PDILT: variants seen among roughly 807,000 people sequenced by gnomAD.
PDILT encodes protein disulfide-isomerase-like protein of the testis.
PDILT carries 43 observed loss-of-function variants against 53.7 expected under a neutral mutation model. That is an observed-to-expected ratio of 0.80 (90% CI 0.63 to 1.03). PDILT has a LOEUF of 1.03. Ranked by LOEUF, PDILT falls within the 50% of genes least tolerant of loss-of-function variation. The pLI is 0.00. For synonymous variants in PDILT, 282 were observed against 274.2 expected, an observed-to-expected ratio of 1.03 and a Z score of -0.28; for missense variants, 727 against 712.3, an observed-to-expected ratio of 1.02 and a Z score of -0.24.
At position 20,367,031 on chromosome 16, in the gene PDILT, CTTTCTTTCTT is replaced by C. The variant is rs1567320658; in HGVS notation, c.1117-1501_1117-1492del. On this transcript the variant is annotated intron_variant, in intron 8 of 11. Transcript: ENST00000302451. Reference sequence around the variant, plus strand: ...TTATTTCTCTCTCTCTTTCTTCTTTCTTTCTTTCTTTCTTTCTTTCTTTCTTTCTTTCTTT... The same window carrying C: ...TTATTTCTCTCTCTCTTTCTTCTTTCTCTTTCTTTCTTTCTTTCTTTCTTT... 2.1e-3 allele frequency among the ~76,000 whole-genome samples: 21 copies of C among 10,110 alleles called. 1 individual carries two copies. The highest frequency in any genetic ancestry group is 0.11 in the Middle Eastern group (2 of 18). 6.6% of individuals were successfully genotyped at this position (10,110 alleles called of 152,430 possible). A position where few individuals can be genotyped will look rare whatever the true frequency, so the allele number is the denominator to read the frequency against.
At chr16:20,395,635 T>A (rs1381527003) in intron 2 of PDILT, among the ~76,000 whole-genome samples, 1 of 152,220 alleles carries the variant, frequency 6.6e-6, no homozygotes, top group Non-Finnish European at 1.5e-5. Flanking sequence ...TCTTTAAATG[T>A]CATGTTGAAA....
chr16:20,363,470 TG>T (rs1966139965), intron 9 of PDILT, among the ~76,000 whole-genome samples: 1 of 25,950 alleles, frequency 3.9e-5, no homozygotes, highest in South Asian at 8.2e-4. Flanking sequence ...TTTTTGTGTA[TG>T]TGTATGTGTG....
chr16:20,394,110 G>A (rs1966635687), intron 2 of PDILT, among the ~76,000 whole-genome samples: 1 of 152,152 alleles, frequency 6.6e-6, no homozygotes, highest in South Asian at 2.1e-4. Context: ...CTGAAACCAG[G>A]CACTAGGGGG....
Position 20,367,095 on chromosome 16 carries a change from CTTTCTTT to C in PDILT, c.1117-1562_1117-1556del, listed in dbSNP as rs1567320991. On this transcript the variant is annotated intron_variant, in intron 8 of 11. Coordinates refer to ENST00000302451, the MANE Select transcript of PDILT (RefSeq NM_174924.2). ...TCTTTCTTTCTTTCTTTCTTTCTTT[CTTTCTTT>C]CTTCCTTTCTTTCCTTTTGAGACAG... is the stretch of plus-strand genomic sequence containing the variant. Among the ~76,000 whole-genome samples, 330 of 89,852 alleles carry C rather than the reference CTTTCTTT, an allele frequency of 3.7e-3. 6 individuals are homozygous for C. Among genetic ancestry groups the C allele is most frequent in the African/African-American group, 0.012 (252 of 21,278 alleles). The allele number at this position is 89,852 out of a possible 152,430, so 58.9% of individuals were successfully genotyped here.
At chr16:20,375,003 G>A in intron 4 of PDILT, 44 bp from the exon 5 acceptor site, 1 of 1,565,234 alleles carries the variant, frequency 6.4e-7, no homozygotes, top group East Asian at 2.3e-5. Context: ...TAGAAATCAA[G>A]GTGCCTGGTT....
At chr16:20,375,426 A>G (rs1222062574) in intron 4 of PDILT, among the ~76,000 whole-genome samples, 6 of 152,254 alleles carry the variant, frequency 3.9e-5, no homozygotes, top group African/African-American at 1.4e-4. Context: ...TGTGTTAAAT[A>G]TAATGCCCAA....
At chr16:20,383,493 C>T (rs1402834747) in intron 3 of PDILT, among the ~76,000 whole-genome samples, 2 of 147,044 alleles carry the variant, frequency 1.4e-5, no homozygotes, top group African/African-American at 5.0e-5. Context: ...CTCCCACAAG[C>T]CTGCTGGGAG....
At position 20,359,218 on chromosome 16, in the gene PDILT, T is replaced by C; in HGVS notation, c.*101A>G. On this transcript the variant is annotated 3_prime_UTR_variant, in exon 12 of 12. Transcript: ENST00000302451. ...TATCCACCCCTACCCCCGCCCCACC[T>C]ACCCTACCACAATGATATATGCTTT... 8.8e-7 allele frequency: 1 copy of C among 1,135,448 alleles called. No homozygotes were observed. Among genetic ancestry groups the C allele is most frequent in the Non-Finnish European group, 1.2e-6 (1 of 820,400 alleles). 70.3% of individuals were successfully genotyped at this position (1,135,448 alleles called of 1,614,324 possible).
chr16:20,381,655 A>T (rs1390963167), intron 3 of PDILT, among the ~76,000 whole-genome samples: 1 of 150,834 alleles, frequency 6.6e-6, no homozygotes, highest in South Asian at 2.1e-4. Flanking sequence ...AAAAAAAAAA[A>T]GAGAAATTGG....
At chr16:20,373,758 C>A (rs1596585230) in intron 5 of PDILT, among the ~76,000 whole-genome samples, 1 of 97,962 alleles carries the variant, frequency 1.0e-5, no homozygotes, top group South Asian at 3.7e-4. Flanking sequence ...TTCTGAACCT[C>A]ACTTCTGTTT....
intron 8 of PDILT, among the ~76,000 whole-genome samples, chr16:20,368,940 T>A (rs1966260210): frequency 1.3e-5 from 2 of 152,162 alleles, no homozygotes; most frequent in African/African-American, 4.8e-5. Context: ...ATAATATGGT[T>A]ACCTTACTCA....
intron 2 of PDILT, among the ~76,000 whole-genome samples, chr16:20,398,777 C>G (rs1361802299): frequency 1.1e-4 from 17 of 152,112 alleles, no homozygotes. Flanking sequence ...AGGTTCACAC[C>G]CATTTTACAG....
intron 3 of PDILT, among the ~76,000 whole-genome samples, chr16:20,382,056 A>C (rs1266812856): frequency 1.3e-5 from 2 of 151,886 alleles, no homozygotes; most frequent in Non-Finnish European, 2.9e-5. Flanking sequence ...CTGCCACCAC[A>C]CCTGGCTAAG....
chr16:20,392,375 G>C (rs940261196), intron 2 of PDILT, among the ~76,000 whole-genome samples: 5 of 152,152 alleles, frequency 3.3e-5, no homozygotes, highest in African/African-American at 7.2e-5. Context: ...AAAGAACATT[G>C]AGAGGAAAGC....
chr16:20,367,040 T>C (rs1450363337), intron 8 of PDILT, among the ~76,000 whole-genome samples: 1 of 30,686 alleles, frequency 3.3e-5, no homozygotes, highest in Non-Finnish European at 7.7e-5. Context: ...TCTTTCTTTC[T>C]TTCTTTCTTT....
chr16:20,384,893 C>G, intron 2 of PDILT, 42 bp from the exon 3 acceptor site: 4 of 1,571,120 alleles, frequency 2.5e-6, no homozygotes, highest in Admixed American at 3.3e-5. Context: ...CCTTTCCTCG[C>G]TCCCCATCTC....
At chr16:20,371,165 G>T (rs1966301462) in intron 7 of PDILT, among the ~76,000 whole-genome samples, 1 of 152,160 alleles carries the variant, frequency 6.6e-6, no homozygotes, top group South Asian at 2.1e-4. Context: ...GAGGGAGAGA[G>T]ACAAAGGAGA....
chr16:20,359,239 G>A lies in PDILT; in HGVS notation c.*80C>T, dbSNP rs747394296. 24 of 1,504,014 alleles carry A rather than the reference G, an allele frequency of 1.6e-5. No individual in the cohort carries two copies. The highest frequency in any genetic ancestry group is 2.2e-5 in the Non-Finnish European group (24 of 1,108,264). 93.2% of individuals were successfully genotyped at this position (1,504,014 alleles called of 1,614,324 possible). A position where few individuals can be genotyped will look rare whatever the true frequency, so the allele number is the denominator to read the frequency against. ...CACCTACCCTACCACAATGATATAT[G>A]CTTTTATTGGAATCAATCCATTCAG... On this transcript the variant is annotated 3_prime_UTR_variant, in exon 12 of 12. Transcript: ENST00000302451.
intron 9 of PDILT, among the ~76,000 whole-genome samples, chr16:20,363,597 A>T (rs1966143581): frequency 6.6e-6 from 1 of 152,170 alleles, no homozygotes; most frequent in South Asian, 2.1e-4. Flanking sequence ...AGAGTAATTA[A>T]GCAGAAGAAG....
Sources: allele counts gnomAD v4.1 joint callset (sites outside exome capture counted in the v4.1 genomes callset), GRCh38; gene constraint gnomAD v4.1.1; transcripts MANE v1.5; gene names NCBI Gene and HGNC (gene_info 2026-07-23, HGNC 2026-07-21).